Variants in PAOX observed in about 807,000 individuals in gnomAD.
The protein encoded by PAOX is polyamine oxidase.
In PAOX, 38 loss-of-function variants were observed where a neutral mutation model predicts 39.0. That is an observed-to-expected ratio of 0.97 (90% confidence interval 0.75 to 1.28). The LOEUF is 1.28. Ranked by LOEUF, PAOX falls within the 50% of genes most tolerant of loss-of-function variation. The pLI, the probability that PAOX is intolerant of heterozygous loss-of-function variation, is 0.00. For missense variants in PAOX, 667 were observed against 685.7 expected, an observed-to-expected ratio of 0.97 and a Z score of 0.30; for synonymous variants, 311 against 314.4, an observed-to-expected ratio of 0.99 and a Z score of 0.11.
intron 6 of PAOX, 118 bp from the exon 7 acceptor site, chr10:133,391,194 G>T: frequency 1.0e-6 from 1 of 995,066 alleles, no homozygotes; most frequent in Admixed American, 1.8e-5. Context: ...GTTGGTGGAG[G>T]TGTGTGAGCT....
intron 2 of PAOX, 40 bp downstream of exon 2, chr10:133,380,525 GGCTCCCCAGGGCACCGGGGCTGGCTGA>G (rs1245220727): frequency 1.9e-6 from 3 of 1,546,670 alleles, no homozygotes; most frequent in Non-Finnish European, 8.7e-7. Context: ...CCTCCCACCA[GGCTCCCCAGGGCACCGGGGCTGGCTGA>G]GCTCCGCTCT....
chr10:133,383,849 G>GTCTGTAGGATA, intron 3 of PAOX, 111 bp from the exon 4 acceptor site: 1 of 1,357,012 alleles, frequency 7.4e-7, no homozygotes, highest in Non-Finnish European at 1.0e-6. Context: ...GTGTGAATGT[G>GTCTGTAGGATA]TCTGTAGGAT....
At chr10:133,379,600 C>G (rs904907422) in intron 1 of PAOX, 103 bp downstream of exon 1, 1 of 969,758 alleles carries the variant, frequency 1.0e-6, no homozygotes, top group Non-Finnish European at 1.3e-6. Flanking sequence ...GGCCGCCTCA[C>G]CGGGCTCCCC....
intron 5 of PAOX, 63 bp from the exon 6 acceptor site, chr10:133,389,527 A>G: frequency 1.2e-6 from 2 of 1,604,016 alleles, no homozygotes; most frequent in South Asian, 1.1e-5. Context: ...TAAAAATGAC[A>G]AAAACAGTTG....
intron 4 of PAOX, among the ~76,000 whole-genome samples, chr10:133,385,345 G>C (rs1198290960): frequency 2.6e-5 from 4 of 152,094 alleles, no homozygotes; most frequent in Non-Finnish European, 5.9e-5. Context: ...GATAGGCCTG[G>C]GTTGCTGGTG....
chr10:133,387,338 T>G (rs1564813308), intron 4 of PAOX, among the ~76,000 whole-genome samples: 1 of 152,226 alleles, frequency 6.6e-6, no homozygotes, highest in African/African-American at 2.4e-5. Flanking sequence ...ATACATTTCA[T>G]TATACAATAT....
At chr10:133,386,227 G>C (rs191865535) in intron 4 of PAOX, among the ~76,000 whole-genome samples, 38 of 152,020 alleles carry the variant, frequency 2.5e-4, no homozygotes, top group Admixed American at 2.4e-3. Flanking sequence ...GTTTTGCCAT[G>C]TTGGCCAGGC....
rs1849617407 is a variant in PAOX at position 133,389,622 on chromosome 10, C to T, written c.1267C>T (p.Leu423=). 3.7e-6 allele frequency: 6 copies of T among 1,613,676 alleles called. No homozygotes were observed. The highest frequency in any genetic ancestry group is 5.1e-6 in the Non-Finnish European group (6 of 1,180,012). The change falls in exon 6 of 7, where the codon CTG becomes TTG. Residue 423 remains leucine, a synonymous_variant. Transcript: ENST00000278060. The part of the protein sequence containing the change: ...NPRLPAPKSV[L]RSRWHSAPYT... Reference sequence around the variant, plus strand: ...ACGGCTCCCCGCGCCCAAGAGCGTCCTGCGGTCTCGCTGGCACAGCGCCCC... The same window carrying T: ...ACGGCTCCCCGCGCCCAAGAGCGTCTTGCGGTCTCGCTGGCACAGCGCCCC...
chr10:133,380,312 G>T lies in PAOX; in HGVS notation c.495G>T (p.Gln165His). 3.1e-6 allele frequency: 5 copies of T among 1,612,932 alleles called. No homozygotes were observed. Among genetic ancestry groups the T allele is most frequent in the Non-Finnish European group, 4.2e-6 (5 of 1,180,036 alleles). Residue 165 changes from glutamine to histidine, a missense_variant, in exon 2 of 7, where the codon CAG (glutamine) becomes CAT (histidine). Physicochemically the swap from Gln to His is conservative, Grantham distance 24. Coordinates refer to ENST00000278060, the MANE Select transcript of PAOX (RefSeq NM_152911.4). ...VGEYLKKEIG[Q>H]HVAGWTEDEE... ...AGTACCTCAAGAAGGAGATTGGCCAGCACGTGGCCGGCTGGACAGAGGATG... is the reference window on the plus strand; with the variant it reads ...AGTACCTCAAGAAGGAGATTGGCCATCACGTGGCCGGCTGGACAGAGGATG...
chr10:133,385,920 TAACA>T (rs1416249203), intron 4 of PAOX, among the ~76,000 whole-genome samples: 10 of 152,092 alleles, frequency 6.6e-5, no homozygotes, highest in Admixed American at 2.0e-4. Context: ...GAGATGATAG[TAACA>T]AACCTATTCT....
chr10:133,379,927 G>A, intron 1 of PAOX, 72 bp from the exon 2 acceptor site: 1 of 1,493,766 alleles, frequency 6.7e-7, no homozygotes, highest in Non-Finnish European at 8.9e-7. Context: ...CGTGGGCGTG[G>A]CCCAGGAGAA....
rs138148003 is a variant in PAOX at position 133,391,329 on chromosome 10, G to T, written c.1410G>T (p.Ala470=). 10 of 1,613,338 alleles carry T rather than the reference G, an allele frequency of 6.2e-6. No individual in the cohort carries two copies. Among genetic ancestry groups the T allele is most frequent in the Non-Finnish European group, 6.8e-6 (8 of 1,179,906 alleles). The change falls in exon 7 of 7, where the codon GCG becomes GCT. Residue 470 remains alanine, a synonymous_variant. Coordinates refer to ENST00000278060, the MANE Select transcript of PAOX (RefSeq NM_152911.4). ...GAGAQLQILF[A]GEATHRTFYS... ...CTTTGCAGCTCCAGATCCTGTTTGC[G>T]GGGGAAGCCACACATCGCACGTTTT...
At chr10:133,383,616 A>G (rs76437374) in intron 3 of PAOX, among the ~76,000 whole-genome samples, 4 of 151,680 alleles carry the variant, frequency 2.6e-5, no homozygotes, top group East Asian at 3.9e-4. Context: ...AAAAAAAAAA[A>G]AAAGAAAACC....
chr10:133,387,151 G>A (rs777104601), intron 4 of PAOX, among the ~76,000 whole-genome samples: 2 of 152,030 alleles, frequency 1.3e-5, no homozygotes, highest in Non-Finnish European at 2.9e-5. Context: ...GTGGTGGTGC[G>A]TGCCTGTGGT....
At chr10:133,385,912 G>A (rs1352176386) in intron 4 of PAOX, among the ~76,000 whole-genome samples, 1 of 151,862 alleles carries the variant, frequency 6.6e-6, no homozygotes, top group Non-Finnish European at 1.5e-5. Context: ...TATTATTTGA[G>A]ATGATAGTAA....
At position 133,380,105 on chromosome 10, in the gene PAOX, C is replaced by T. The variant is rs146769957; in HGVS notation, c.288C>T (p.Ser96=). 79 of 1,565,978 alleles carry T rather than the reference C, an allele frequency of 5.0e-5. No homozygotes were observed. The Middle Eastern group carries it at 6.9e-4, about 14-fold the overall frequency. The part of the protein sequence containing the change: ...EYGLLGEKEL[S]QENQLVETGG... ...GGCTGCTGGGGGAGAAGGAGCTGTC[C>T]CAGGAGAACCAGCTGGTGGAGACCG... Residue 96 remains serine (S), a synonymous_variant, in exon 2 of 7, where the codon TCC becomes TCT. Transcript: ENST00000278060.
intron 6 of PAOX, among the ~76,000 whole-genome samples, chr10:133,390,168 A>G (rs1849636579): frequency 6.6e-6 from 1 of 152,128 alleles, no homozygotes; most frequent in Non-Finnish European, 1.5e-5. Flanking sequence ...CCCTAAGCCA[A>G]GCTTCTCCCC....
Position 133,380,261 on chromosome 10 carries a change from A to C in PAOX, c.444A>C (p.Ala148=). ...AGACCCGGGAGTTCCTGCACGCTGC[A>C]GAGACCCCGGTGCCCAGCGTCGGGG... ...IDQTREFLHA[A]ETPVPSVGEY... is the part of the protein sequence containing the mutation. The change falls in exon 2 of 7, where the codon GCA becomes GCC. Residue 148 remains alanine (A), a synonymous_variant. Transcript: ENST00000278060. The C allele has an allele frequency of 3.7e-6, 6 of 1,612,896 alleles. No individual in the cohort carries two copies. The highest frequency in any genetic ancestry group is 5.1e-6 in the Non-Finnish European group (6 of 1,180,020).
chr10:133,389,660 G>A lies in PAOX; in HGVS notation c.1305G>A (p.Gly435=). The A allele has an allele frequency of 6.2e-7, 1 of 1,612,994 alleles. No individual in the cohort carries two copies. Among genetic ancestry groups the A allele is most frequent in the Non-Finnish European group, 8.5e-7 (1 of 1,179,704 alleles). Residue 435 remains glycine (G), a synonymous_variant, in exon 6 of 7, where the codon GGG becomes GGA. Coordinates refer to ENST00000278060, the MANE Select transcript of PAOX (RefSeq NM_152911.4). ...SRWHSAPYTR[G]SYSYVAVGST... is the part of the protein sequence containing the mutation. ...GGCACAGCGCCCCGTACACTAGGGG[G>A]TCCTACAGCTACGTGGCCGTGGGCA...
Sources: allele counts gnomAD v4.1 joint callset (sites outside exome capture counted in the v4.1 genomes callset), GRCh38; gene constraint gnomAD v4.1.1; transcripts MANE v1.5; gene names NCBI Gene and HGNC (gene_info 2026-07-23, HGNC 2026-07-21).